The following MFSD2B variants were observed in gnomAD, a reference collection of about 807,000 sequenced individuals.
MFSD2B encodes the protein MFSD2 lysolipid transporter B, sphingolipid.
Under a neutral mutation model 58.4 loss-of-function variants are expected in MFSD2B, and 56 were observed. The ratio of observed to expected loss-of-function variants is 0.96; its 90% CI spans 0.77 to 1.20. The LOEUF (loss-of-function observed/expected upper bound fraction) is 1.20. Ranked by LOEUF, MFSD2B falls within the 50% of genes most tolerant of loss-of-function variation. The probability of loss-of-function intolerance (pLI) is 0.00; values close to 1 mark genes in which losing one functional copy is unlikely to be tolerated. For synonymous variants in MFSD2B, 287 were observed against 294.4 expected (o/e 0.97, Z 0.26); for missense variants, 645 against 667.6 (o/e 0.97, Z 0.37).
At chr2:24,013,023 G>A (rs546663988) in intron 1 of MFSD2B, 29 of 334,906 alleles carry the variant, frequency 8.7e-5, no homozygotes, top group African/African-American at 4.7e-4. Context: ...CTCAGTAAAT[G>A]ATGGCGGCTT....
Position 24,025,476 on chromosome 2 carries a change from G to A in MFSD2B, c.*20G>A, listed in dbSNP as rs144277624. ...GCCTAAAGCTTAGGAGGGCGACTGT[G>A]AATGGACACAGGAGCCAGCACCCTC... On this transcript the variant is annotated 3_prime_UTR_variant, in exon 14 of 14. Transcript: ENST00000338315. 263 of 1,535,546 alleles carry A rather than the reference G, an allele frequency of 1.7e-4. No individual in the cohort carries two copies. Among genetic ancestry groups the A allele is most frequent in the Non-Finnish European group, 2.2e-4 (253 of 1,146,534 alleles).
At chr2:24,025,249 C>A (rs1662941444) in intron 13 of MFSD2B, among the ~76,000 whole-genome samples, 183 bp from the exon 14 acceptor site, 1 of 152,194 alleles carries the variant, frequency 6.6e-6, no homozygotes, top group African/African-American at 2.4e-5. Context: ...GGATGGGGAA[C>A]TGCTTGATGA....
intron 2 of MFSD2B, 118 bp from the exon 3 acceptor site, chr2:24,016,038 T>C: frequency 7.0e-6 from 9 of 1,290,234 alleles, no homozygotes; most frequent in South Asian, 1.2e-5. Flanking sequence ...CCCTTGACAC[T>C]GTGGCTCTGC....
intron 2 of MFSD2B, among the ~76,000 whole-genome samples, chr2:24,014,885 C>T (rs934084962): frequency 7.3e-5 from 11 of 151,600 alleles, no homozygotes; most frequent in South Asian, 2.1e-4. Context: ...TTTGCGAGGC[C>T]GAGGAGGGAG....
chr2:24,010,230 C>A, intron 1 of MFSD2B, 38 bp downstream of exon 1: 1 of 1,327,374 alleles, frequency 7.5e-7, no homozygotes, highest in Non-Finnish European at 9.7e-7. Flanking sequence ...GGGCTGCGTC[C>A]TCGGGGAGCT....
At chr2:24,016,010 C>A in intron 2 of MFSD2B, 146 bp from the exon 3 acceptor site, 1 of 978,200 alleles carries the variant, frequency 1.0e-6, no homozygotes, top group Non-Finnish European at 1.6e-6. Context: ...GATCAGCATC[C>A]TGGGGAAGGC....
In MFSD2B at chr2:24,023,543, C is replaced by T. The variant is rs777437262; in HGVS notation, c.1170-40C>T. The T allele has an allele frequency of 3.5e-5, 55 of 1,590,168 alleles. 1 individual carries two copies. In the South Asian group the frequency reaches 6.1e-4, roughly 18 times the overall value. ...CAGAGAATTCACAGGCTGCTGGTGGCCAAGGGGCTAGGAGGGCTAACTCCA... is the reference window on the plus strand; with the variant it reads ...CAGAGAATTCACAGGCTGCTGGTGGTCAAGGGGCTAGGAGGGCTAACTCCA... On this transcript the variant is annotated intron_variant, in intron 11 of 13. Transcript: ENST00000338315. The surrounding 1 kb of genome is among the most constrained non-coding windows in gnomAD (Gnocchi z 5.0).
Position 24,024,876 on chromosome 2 carries a change from C to T in MFSD2B, c.1491-556C>T, listed in dbSNP as rs916049199. ...ACCTGGTCCTTCCCCTACCAGAACA[C>T]CGACCCCACTGACGGGGAGGATCTA... On this transcript the variant is annotated intron_variant, in intron 13 of 13. Coordinates refer to ENST00000338315, the MANE Select transcript of MFSD2B (RefSeq NM_001346880.2). The surrounding 1 kb of genome is among the most constrained non-coding windows in gnomAD (Gnocchi z 4.3). Among the ~76,000 whole-genome samples, 1 of 152,158 alleles carries T rather than the reference C, an allele frequency of 6.6e-6. No individual in the cohort carries two copies. Among genetic ancestry groups the T allele is most frequent in the Non-Finnish European group, 1.5e-5 (1 of 68,026 alleles).
chr2:24,023,013 G>C lies in MFSD2B; in HGVS notation c.1059+111G>C. On this transcript the variant is annotated intron_variant, in intron 10 of 13. Coordinates refer to ENST00000338315, the MANE Select transcript of MFSD2B (RefSeq NM_001346880.2). The surrounding 1 kb of genome is among the most constrained non-coding windows in gnomAD (Gnocchi z 5.0). Reference sequence around the variant, plus strand: ...AGCAGGGGTGGATCTGTGTTCCCTTGAGTCTTTAGGGCCTAGCACAGGGCA... The same window carrying C: ...AGCAGGGGTGGATCTGTGTTCCCTTCAGTCTTTAGGGCCTAGCACAGGGCA... 3.7e-6 allele frequency: 5 copies of C among 1,337,962 alleles called. No individual in the cohort carries two copies. Among genetic ancestry groups the C allele is most frequent in the Non-Finnish European group, 5.3e-6 (5 of 941,690 alleles). 82.9% of individuals were successfully genotyped at this position (1,337,962 alleles called of 1,614,324 possible). A position where few individuals can be genotyped will look rare whatever the true frequency, so the allele number is the denominator to read the frequency against.
At position 24,017,285 on chromosome 2, in the gene MFSD2B, G is replaced by C. The variant is rs760024480; in HGVS notation, c.472-1G>C. ...GGTTCTAAGCTCTGCCGACGCCCCA[G>C]TTCTTCCAGGTGCCCTACACAGCGC... On this transcript the variant is annotated splice_acceptor_variant, in intron 4 of 13. Transcript: ENST00000338315. LOFTEE classifies it high-confidence loss of function. The surrounding 1 kb of genome is among the most constrained non-coding windows in gnomAD (Gnocchi z 4.8). 163 of 1,597,118 alleles carry C rather than the reference G, an allele frequency of 1.0e-4. No individual in the cohort carries two copies. The highest frequency in any genetic ancestry group is 1.8e-5 in the Non-Finnish European group (21 of 1,172,764).
rs895404858 is a variant in MFSD2B at position 24,013,479 on chromosome 2, C to T, written c.222+69C>T. ...GGGTCTGGTCCTTCCACCCCCACCT[C>T]TGCTTCTGCTCCCACTATCCTTGTA... On this transcript the variant is annotated intron_variant, in intron 2 of 13. Transcript: ENST00000338315. 23 of 1,441,606 alleles carry T rather than the reference C, an allele frequency of 1.6e-5. No homozygotes were observed. The African/African-American group carries it at 3.1e-4, about 19-fold the overall frequency. 89.3% of individuals were successfully genotyped at this position (1,441,606 alleles called of 1,614,324 possible).
intron 2 of MFSD2B, among the ~76,000 whole-genome samples, chr2:24,014,625 T>C (rs750185422): frequency 5.9e-5 from 9 of 152,150 alleles, no homozygotes; most frequent in Non-Finnish European, 1.2e-4. Context: ...GAGAAGAGTA[T>C]ATAAAATGAT....
Position 24,017,173 on chromosome 2 carries a change from G to A in MFSD2B, c.472-113G>A. On this transcript the variant is annotated intron_variant, in intron 4 of 13. Transcript: ENST00000338315. The surrounding 1 kb of genome is among the most constrained non-coding windows in gnomAD (Gnocchi z 4.8). ...TAGCTCCGACTTCAGGTGGCCAGCT[G>A]GGATATGTCACGTTGGCCTGTGGGT... 7.7e-7 allele frequency: 1 copy of A among 1,301,798 alleles called. No individual in the cohort carries two copies. Among genetic ancestry groups the A allele is most frequent in the Non-Finnish European group, 1.1e-6 (1 of 943,354 alleles). The allele number at this position is 1,301,798 out of a possible 1,614,324, so 80.6% of individuals were successfully genotyped here. A position where few individuals can be genotyped will look rare whatever the true frequency, so the allele number is the denominator to read the frequency against.
At chr2:24,015,952 G>A (rs1165553454) in intron 2 of MFSD2B, among the ~76,000 whole-genome samples, 1 of 152,224 alleles carries the variant, frequency 6.6e-6, no homozygotes, top group Non-Finnish European at 1.5e-5. Context: ...ACTAATGGGA[G>A]TGTGCAGGGC....
chr2:24,017,087 A>G lies in MFSD2B; in HGVS notation c.471+119A>G. On this transcript the variant is annotated intron_variant, in intron 4 of 13. Coordinates refer to ENST00000338315, the MANE Select transcript of MFSD2B (RefSeq NM_001346880.2). The surrounding 1 kb of genome is among the most constrained non-coding windows in gnomAD (Gnocchi z 4.8). ...CTCCCCACCCGCCTGTGCCTGGACC[A>G]TGCCATTGGCACTCGCCAGCCTTGC... 2.0e-6 allele frequency: 3 copies of G among 1,475,582 alleles called. No individual in the cohort carries two copies. The highest frequency in any genetic ancestry group is 2.8e-6 in the Non-Finnish European group (3 of 1,083,372). 91.4% of individuals were successfully genotyped at this position (1,475,582 alleles called of 1,614,324 possible).
At position 24,023,784 on chromosome 2, in the gene MFSD2B, G is replaced by A. The variant is rs1400783703; in HGVS notation, c.1313+58G>A. 3 of 1,587,824 alleles carry A rather than the reference G, an allele frequency of 1.9e-6. No individual in the cohort carries two copies. Among genetic ancestry groups the A allele is most frequent in the Non-Finnish European group, 2.6e-6 (3 of 1,163,202 alleles). ...CCAAGGACCAGTGGGCAGGAAGAGG[G>A]CAAAGCCCCTCACCTACCAAGCTCA... On this transcript the variant is annotated intron_variant, in intron 12 of 13. Transcript: ENST00000338315. This position sits in a 1 kb window ranked among gnomAD's most constrained non-coding sequence, Gnocchi z 5.0.
rs765848582 is a variant in MFSD2B at position 24,022,010 on chromosome 2, C to A, written c.894+40C>A. ...CTGCCCCCGACAGGCTTGGTGCTGG[C>A]CATGCTGACCTTGCATAGGTTCAGG... On this transcript the variant is annotated intron_variant, in intron 8 of 13. Coordinates refer to ENST00000338315, the MANE Select transcript of MFSD2B (RefSeq NM_001346880.2). The surrounding 1 kb of genome is among the most constrained non-coding windows in gnomAD (Gnocchi z 4.5). The A allele has an allele frequency of 3.1e-6, 5 of 1,612,696 alleles. No individual in the cohort carries two copies. Among genetic ancestry groups the A allele is most frequent in the Non-Finnish European group, 3.4e-6 (4 of 1,179,054 alleles).
Position 24,017,397 on chromosome 2 carries a change from A to C in MFSD2B, c.550+33A>C. 2 of 1,598,248 alleles carry C rather than the reference A, an allele frequency of 1.3e-6. No individual in the cohort carries two copies. Among genetic ancestry groups the C allele is most frequent in the Non-Finnish European group, 1.7e-6 (2 of 1,172,866 alleles). On this transcript the variant is annotated intron_variant, in intron 5 of 13. Coordinates refer to ENST00000338315, the MANE Select transcript of MFSD2B (RefSeq NM_001346880.2). The surrounding 1 kb of genome is among the most constrained non-coding windows in gnomAD (Gnocchi z 4.8). Reference sequence around the variant, plus strand: ...CAGCCGTGGGTTTCGGGTTCCAGGGAGGCAACTGCCCCTGGGACCCCACTC... The same window carrying C: ...CAGCCGTGGGTTTCGGGTTCCAGGGCGGCAACTGCCCCTGGGACCCCACTC...
Position 24,016,908 on chromosome 2 carries a change from C to T in MFSD2B, c.411C>T (p.Phe137=). Residue 137 remains phenylalanine (F), a synonymous_variant, in exon 4 of 14, where the codon TTC becomes TTT. Coordinates refer to ENST00000338315, the MANE Select transcript of MFSD2B (RefSeq NM_001346880.2). ...TCTTCCTGTGGTTCCTGCCCCCCTT[C>T]ACCAGCCTGCGAGGCCTCTGGTACA... ...AYFFLWFLPP[F]TSLRGLWYTT... 1 of 1,613,910 alleles carries T rather than the reference C, an allele frequency of 6.2e-7. No individual in the cohort carries two copies. The highest frequency in any genetic ancestry group is 8.5e-7 in the Non-Finnish European group (1 of 1,179,866).
Sources: allele counts gnomAD v4.1 joint callset (sites outside exome capture counted in the v4.1 genomes callset), GRCh38; gene constraint gnomAD v4.1.1; non-coding constraint Gnocchi (gnomAD v3.1); transcripts MANE v1.5; gene names NCBI Gene and HGNC (gene_info 2026-07-23, HGNC 2026-07-21).